Variants in DLG2 observed in about 807,000 individuals in gnomAD.
DLG2 encodes discs large MAGUK scaffold protein 2.
Under a neutral mutation model 132.5 loss-of-function variants are expected in DLG2, and 45 were observed. The observed-to-expected ratio is 0.34, with a 90% CI of 0.27 to 0.44. The LOEUF is 0.44. DLG2 is among the 20% of genes least tolerant of loss of function. DLG2 has a pLI of 1.00. For synonymous variants in DLG2, 424 were observed against 419.6 expected, an observed-to-expected ratio of 1.01 and a Z score of -0.13; for missense variants, 1,045 against 1,196.9, an observed-to-expected ratio of 0.87 and a Z score of 1.87.
At chr11:84,861,354 C>A (rs1374896989) in intron 6 of DLG2, among the ~76,000 whole-genome samples, 2 of 152,008 alleles carry the variant, frequency 1.3e-5, no homozygotes, top group African/African-American at 4.8e-5. Flanking sequence ...AGATTCAGAT[C>A]CAACCTCTGC....
chr11:83,886,053 T>A (rs1428838715), intron 15 of DLG2, among the ~76,000 whole-genome samples: 1 of 152,122 alleles, frequency 6.6e-6, no homozygotes, highest in Non-Finnish European at 1.5e-5. Flanking sequence ...ACGACCAAAA[T>A]AACCAGCTAA....
At chr11:84,028,892 T>A (rs751823939) in intron 11 of DLG2, among the ~76,000 whole-genome samples, 1 of 152,144 alleles carries the variant, frequency 6.6e-6, no homozygotes, top group Non-Finnish European at 1.5e-5. Context: ...CAGTAGGGTG[T>A]GAGCCTCTTG....
chr11:85,378,204 G>A (rs1596664257), intron 3 of DLG2, among the ~76,000 whole-genome samples: 2 of 152,176 alleles, frequency 1.3e-5, no homozygotes, highest in South Asian at 4.1e-4. Context: ...ACAGAAATTG[G>A]AGAAATAATT....
At chr11:84,063,515 A>G (rs997954606) in intron 10 of DLG2, among the ~76,000 whole-genome samples, 1 of 121,428 alleles carries the variant, frequency 8.2e-6, no homozygotes, top group Non-Finnish European at 1.8e-5. Context: ...AACAGGTAAT[A>G]TCTACTCTCT....
At chr11:84,598,346 A>T (rs1398590094) in intron 6 of DLG2, among the ~76,000 whole-genome samples, 1 of 152,188 alleles carries the variant, frequency 6.6e-6, no homozygotes, top group African/African-American at 2.4e-5. Flanking sequence ...CCCAAGCTGC[A>T]ATATGGATCA....
chr11:84,974,117 G>C (rs1229800602), intron 6 of DLG2, among the ~76,000 whole-genome samples: 2 of 152,194 alleles, frequency 1.3e-5, no homozygotes, highest in Non-Finnish European at 1.5e-5. Context: ...CAAGGGTGCA[G>C]GTTGGTCCAA....
At chr11:83,611,362 G>T (rs1469553093) in intron 19 of DLG2, among the ~76,000 whole-genome samples, 1 of 152,136 alleles carries the variant, frequency 6.6e-6, no homozygotes, top group African/African-American at 2.4e-5. Flanking sequence ...TTCTGTAGGA[G>T]GCCATGCTGT....
chr11:83,496,901 G>A (rs2094175843), intron 21 of DLG2, among the ~76,000 whole-genome samples: 1 of 152,124 alleles, frequency 6.6e-6, no homozygotes, highest in African/African-American at 2.4e-5. Context: ...TCAGGAGGTG[G>A]TTTTAGAAAC....
At chr11:84,896,404 C>T (rs567364562) in intron 6 of DLG2, among the ~76,000 whole-genome samples, 2 of 152,070 alleles carry the variant, frequency 1.3e-5, no homozygotes, top group Admixed American at 6.6e-5. Flanking sequence ...ATATTTCCCA[C>T]GATGTTGTTG....
At chr11:83,998,566 T>C (rs1371255250) in intron 11 of DLG2, among the ~76,000 whole-genome samples, 1 of 152,168 alleles carries the variant, frequency 6.6e-6, no homozygotes, top group East Asian at 1.9e-4. Context: ...GGGAGAAGTA[T>C]AAATGAGACA....
chr11:85,129,285 A>G (rs2075454791), intron 5 of DLG2, among the ~76,000 whole-genome samples: 2 of 152,206 alleles, frequency 1.3e-5, no homozygotes, highest in Admixed American at 1.3e-4. Context: ...ATGATTTCCT[A>G]GTCTACAAGA....
intron 6 of DLG2, among the ~76,000 whole-genome samples, chr11:85,071,368 A>G (rs1049927207): frequency 6.6e-5 from 10 of 151,838 alleles, no homozygotes; most frequent in Non-Finnish European, 1.0e-4. Flanking sequence ...AATGACCTAA[A>G]AGTAAAGCAG....
chr11:83,770,274 C>CTTTTTTTTTTTTTTTTTTTTTTTTT (rs1594049476), intron 18 of DLG2, among the ~76,000 whole-genome samples: 1 of 108,626 alleles, frequency 9.2e-6, no homozygotes, highest in African/African-American at 4.3e-5. Context: ...TGTTTTTTTG[C>CTTTTTTTTTTTTTTTTTTTTTTTTT]TTTTTGTACA....
intron 10 of DLG2, among the ~76,000 whole-genome samples, chr11:84,097,376 A>C (rs754792392): frequency 2.6e-5 from 4 of 152,166 alleles, no homozygotes; most frequent in Non-Finnish European, 5.9e-5. Flanking sequence ...GCCTGCCTTC[A>C]ACAAGAATCC....
At chr11:84,294,997 A>G (rs2098069252) in intron 7 of DLG2, among the ~76,000 whole-genome samples, 2 of 152,216 alleles carry the variant, frequency 1.3e-5, no homozygotes, top group Non-Finnish European at 2.9e-5. Context: ...TTCATCATTA[A>G]ACATATTAAA....
intron 3 of DLG2, among the ~76,000 whole-genome samples, chr11:85,505,647 T>C (rs2093913132): frequency 6.6e-6 from 1 of 152,042 alleles, no homozygotes; most frequent in Non-Finnish European, 1.5e-5. Context: ...ATTTTTGCAT[T>C]GATGTTCATC....
At chr11:85,534,699 T>C (rs936287957) in intron 3 of DLG2, among the ~76,000 whole-genome samples, 6 of 152,246 alleles carry the variant, frequency 3.9e-5, no homozygotes, top group African/African-American at 1.2e-4. Flanking sequence ...CAGTATTCCA[T>C]GTGTGTATAT....
intron 4 of DLG2, among the ~76,000 whole-genome samples, chr11:85,257,385 C>A (rs1565224924): frequency 1.3e-5 from 2 of 152,102 alleles, no homozygotes; most frequent in African/African-American, 2.4e-5. Context: ...AGAAAGAAAA[C>A]ATAATCTAGC....
At chr11:84,127,879 C>G (rs2094250217) in intron 9 of DLG2, among the ~76,000 whole-genome samples, 1 of 152,172 alleles carries the variant, frequency 6.6e-6, no homozygotes, top group Non-Finnish European at 1.5e-5. Flanking sequence ...CAAAGACCCT[C>G]TTTTCAAATA....
Sources: gnomAD v4.1 joint callset for allele counts (sites outside exome capture counted in the v4.1 genomes callset) on GRCh38, gnomAD v4.1.1 for gene constraint, MANE v1.5 for transcripts, NCBI Gene and HGNC (gene_info 2026-07-23, HGNC 2026-07-21) for gene names.